The following ATRNL1 variants were observed in gnomAD, a reference collection of about 807,000 sequenced individuals.
The protein encoded by ATRNL1 is attractin like 1.
Under a neutral mutation model 182.7 loss-of-function variants are expected in ATRNL1, and 95 were observed. The observed-to-expected ratio is 0.52, with a 90% confidence interval of 0.44 to 0.62. The LOEUF is 0.62. ATRNL1 is among the 20% of genes least tolerant of loss of function. ATRNL1 has a pLI of 0.00. For missense variants in ATRNL1, 1,471 were observed against 1,679.5 expected, an observed-to-expected ratio of 0.88 and a Z score of 2.17; for synonymous variants, 576 against 568.3, an observed-to-expected ratio of 1.01 and a Z score of -0.19.
At chr10:115,762,987 T>C (rs1948768933) in intron 27 of ATRNL1, among the ~76,000 whole-genome samples, 1 of 152,188 alleles carries the variant, frequency 6.6e-6, no homozygotes, top group South Asian at 2.1e-4. Flanking sequence ...CAGCACTTTT[T>C]ATGGCATTTG....
At chr10:115,133,880 A>C (rs1845381555) in intron 5 of ATRNL1, among the ~76,000 whole-genome samples, 1 of 152,176 alleles carries the variant, frequency 6.6e-6, no homozygotes, top group African/African-American at 2.4e-5. Flanking sequence ...ACTAGAACTC[A>C]GGATTAAGAA....
intron 21 of ATRNL1, among the ~76,000 whole-genome samples, chr10:115,448,177 A>G (rs1554966989): frequency 6.6e-6 from 1 of 152,128 alleles, no homozygotes; most frequent in African/African-American, 2.4e-5. Flanking sequence ...TGATACAGCA[A>G]ATATCTTCTC....
chr10:115,651,606 A>G (rs972069465), intron 26 of ATRNL1, among the ~76,000 whole-genome samples: 4 of 152,252 alleles, frequency 2.6e-5, no homozygotes, highest in South Asian at 2.1e-4. Context: ...AACGTTTTTC[A>G]ATGAATTTGG....
intron 24 of ATRNL1, among the ~76,000 whole-genome samples, chr10:115,497,478 C>T (rs1438176648): frequency 6.6e-6 from 1 of 152,080 alleles, no homozygotes; most frequent in East Asian, 1.9e-4. Context: ...AGTTCTGTCT[C>T]ACTCTTTTCT....
intron 17 of ATRNL1, among the ~76,000 whole-genome samples, chr10:115,309,733 T>C (rs1554927271): frequency 6.6e-6 from 1 of 152,082 alleles, no homozygotes; most frequent in Non-Finnish European, 1.5e-5. Flanking sequence ...TTTCTAGGTA[T>C]ACAGTATAAA....
intron 19 of ATRNL1, among the ~76,000 whole-genome samples, chr10:115,380,132 C>G (rs1857916302): frequency 2.0e-5 from 3 of 152,090 alleles, no homozygotes; most frequent in Non-Finnish European, 2.9e-5. Context: ...GCCTGGCCAA[C>G]TTTATATATA....
intron 9 of ATRNL1, among the ~76,000 whole-genome samples, chr10:115,238,209 C>T (rs1850266963): frequency 6.6e-6 from 1 of 152,112 alleles, no homozygotes; most frequent in Non-Finnish European, 1.5e-5. Context: ...CAATATTGTG[C>T]TGGCTATTTT....
intron 28 of ATRNL1, among the ~76,000 whole-genome samples, chr10:115,923,436 G>A (rs1265983471): frequency 2.6e-5 from 4 of 152,128 alleles, no homozygotes; most frequent in African/African-American, 7.2e-5. Flanking sequence ...AGGCCCTGGT[G>A]TGTGTTGTTC....
At chr10:115,454,361 CA>C (rs1246680144) in intron 21 of ATRNL1, among the ~76,000 whole-genome samples, 4 of 151,888 alleles carry the variant, frequency 2.6e-5, no homozygotes, top group Non-Finnish European at 5.9e-5. Context: ...TCTTCTTGGT[CA>C]GAATCGTTTT....
At chr10:115,186,250 A>G (rs919937000) in intron 8 of ATRNL1, among the ~76,000 whole-genome samples, 11 of 152,228 alleles carry the variant, frequency 7.2e-5, no homozygotes, top group East Asian at 1.9e-4. Context: ...GCCCTCATAC[A>G]TTATTGGTGG....
chr10:115,114,107 G>T (rs543792530), intron 1 of ATRNL1, among the ~76,000 whole-genome samples: 1 of 152,200 alleles, frequency 6.6e-6, no homozygotes, highest in South Asian at 2.1e-4. Context: ...TCACCTGTCT[G>T]CTGTCCACTG....
chr10:115,235,718 T>C (rs371620941), intron 9 of ATRNL1, among the ~76,000 whole-genome samples: 1 of 152,196 alleles, frequency 6.6e-6, no homozygotes. Context: ...GGTTAACTTT[T>C]ATATCTTGGT....
intron 27 of ATRNL1, among the ~76,000 whole-genome samples, chr10:115,798,754 T>G (rs1448998740): frequency 1.3e-5 from 2 of 152,166 alleles, no homozygotes; most frequent in Non-Finnish European, 2.9e-5. Context: ...ACTACTTACT[T>G]GGTTTCAGTT....
intron 19 of ATRNL1, among the ~76,000 whole-genome samples, chr10:115,377,638 T>C (rs553994057): frequency 2.0e-5 from 3 of 152,230 alleles, no homozygotes; most frequent in Non-Finnish European, 4.4e-5. Flanking sequence ...CTTGCACCAG[T>C]ATCTGTGCAG....
intron 28 of ATRNL1, among the ~76,000 whole-genome samples, chr10:115,928,323 T>C (rs1296550067): frequency 5.3e-5 from 8 of 152,072 alleles, no homozygotes; most frequent in African/African-American, 1.9e-4. Context: ...GTGGTAAAAC[T>C]TAGCAGTCCT....
intron 21 of ATRNL1, among the ~76,000 whole-genome samples, chr10:115,452,450 A>G (rs1554967846): frequency 2.0e-5 from 3 of 152,118 alleles, no homozygotes; most frequent in African/African-American, 4.8e-5. Flanking sequence ...GATATAGGAT[A>G]TAAATCCATA....
chr10:115,696,234 C>T (rs1360884381), intron 26 of ATRNL1, among the ~76,000 whole-genome samples: 2 of 152,174 alleles, frequency 1.3e-5, no homozygotes, highest in Non-Finnish European at 2.9e-5. Context: ...CATTGATGCT[C>T]ATTTAGGTTG....
intron 24 of ATRNL1, among the ~76,000 whole-genome samples, chr10:115,491,530 G>A (rs1370228487): frequency 2.0e-5 from 3 of 152,036 alleles, no homozygotes; most frequent in African/African-American, 7.2e-5. Flanking sequence ...ACTTCCCAGT[G>A]GCTTTGTTTA....
chr10:115,182,980 C>A (rs969304199), intron 8 of ATRNL1, among the ~76,000 whole-genome samples: 4 of 151,386 alleles, frequency 2.6e-5, no homozygotes, highest in African/African-American at 9.7e-5. Flanking sequence ...GCGAACAATA[C>A]AGCCCGATTA....
Sources: gnomAD v4.1 joint callset for allele counts (sites outside exome capture counted in the v4.1 genomes callset) on GRCh38, gnomAD v4.1.1 for gene constraint, MANE v1.5 for transcripts, NCBI Gene and HGNC (gene_info 2026-07-23, HGNC 2026-07-21) for gene names.